The following IRAK2 variants were observed in gnomAD, a reference collection of about 807,000 sequenced individuals.
IRAK2 encodes interleukin 1 receptor associated kinase 2, also known as interleukin-1 receptor-associated kinase-like 2.
A neutral mutation model predicts 72.0 loss-of-function variants in IRAK2; 57 were observed. The observed-to-expected ratio is 0.79, with a 90% confidence interval of 0.64 to 0.99. The LOEUF is 0.99. Ranked by LOEUF, IRAK2 falls within the 50% of genes least tolerant of loss-of-function variation. The pLI is 0.00. For missense variants in IRAK2, 790 were observed against 794.4 expected (o/e 0.99, Z 0.07); for synonymous variants, 293 against 312.7 (o/e 0.94, Z 0.67).
At chr3:10,182,157 G>A (rs536801672) in intron 2 of IRAK2, among the ~76,000 whole-genome samples, 3 of 151,696 alleles carry the variant, frequency 2.0e-5, no homozygotes, top group African/African-American at 4.8e-5. Flanking sequence ...CAGTAGAGAC[G>A]GGGGTTTCAC....
intron 10 of IRAK2, among the ~76,000 whole-genome samples, chr3:10,227,082 A>G (rs1697791064): frequency 6.6e-6 from 1 of 152,214 alleles, no homozygotes; most frequent in Non-Finnish European, 1.5e-5. Flanking sequence ...GCCCTTTTAA[A>G]CAAGTTTCTA....
intron 2 of IRAK2, among the ~76,000 whole-genome samples, chr3:10,186,758 G>T (rs188095734): frequency 6.6e-5 from 10 of 150,498 alleles, no homozygotes; most frequent in African/African-American, 2.0e-4. Flanking sequence ...TTAGCTACAG[G>T]CTGGGTCTTT....
At chr3:10,187,099 G>A (rs1343922848) in intron 2 of IRAK2, among the ~76,000 whole-genome samples, 3 of 151,046 alleles carry the variant, frequency 2.0e-5, no homozygotes, top group Non-Finnish European at 4.4e-5. Flanking sequence ...AGTTTTGGAT[G>A]TTGGAGCATT....
chr3:10,200,310 T>C lies in IRAK2; in HGVS notation c.278-59T>C, dbSNP rs1482428140. The C allele has an allele frequency of 4.2e-6, 6 of 1,442,412 alleles. No individual in the cohort carries two copies. The African/African-American group carries it at 8.6e-5, about 21-fold the overall frequency. The allele number at this position is 1,442,412 out of a possible 1,614,324, so 89.4% of individuals were successfully genotyped here. On this transcript the variant is annotated intron_variant, in intron 2 of 12. Transcript: ENST00000256458. ...AGGTCTCTGACTTCCAGAACCAGTC[T>C]CTCAATGGCTACCCCACTTCATGGA... is the stretch of plus-strand genomic sequence containing the variant.
At chr3:10,171,032 G>A (rs1378573343) in intron 1 of IRAK2, among the ~76,000 whole-genome samples, 2 of 152,242 alleles carry the variant, frequency 1.3e-5, no homozygotes, top group African/African-American at 4.8e-5. Flanking sequence ...AGATCCCGCA[G>A]CCACAGACAG....
intron 4 of IRAK2, among the ~76,000 whole-genome samples, chr3:10,211,420 A>C (rs1394179733): frequency 1.7e-3 from 1 of 594 alleles, no homozygotes; most frequent in African/African-American, 7.5e-3. Flanking sequence ...TGAGATTACA[A>C]GCAGTGAATC....
intron 1 of IRAK2, among the ~76,000 whole-genome samples, chr3:10,168,108 T>G (rs994368809): frequency 6.6e-6 from 1 of 152,144 alleles, no homozygotes; most frequent in Admixed American, 6.5e-5. Context: ...TATGTTTAAC[T>G]ATTTGAGGAG....
chr3:10,178,486 G>T (rs1213403363), intron 2 of IRAK2, among the ~76,000 whole-genome samples: 1 of 151,390 alleles, frequency 6.6e-6, no homozygotes, highest in Non-Finnish European at 1.5e-5. Context: ...ACAAAAAAAA[G>T]AAACTGGTAA....
intron 3 of IRAK2, among the ~76,000 whole-genome samples, chr3:10,206,639 T>C (rs2125153366): frequency 6.6e-6 from 1 of 152,294 alleles, no homozygotes; most frequent in South Asian, 2.1e-4. Flanking sequence ...CACTGCAACC[T>C]CTGCCTCCCA....
chr3:10,225,999 A>G (rs1697770226), intron 9 of IRAK2, among the ~76,000 whole-genome samples: 1 of 152,194 alleles, frequency 6.6e-6, no homozygotes, highest in Non-Finnish European at 1.5e-5. Context: ...GTGCCCAGCC[A>G]GCTGAAGGAT....
chr3:10,188,746 A>G (rs1466707960), intron 2 of IRAK2, among the ~76,000 whole-genome samples: 2 of 152,174 alleles, frequency 1.3e-5, no homozygotes, highest in African/African-American at 4.8e-5. Context: ...GGCTGGTCTC[A>G]AACTCCCGAC....
At chr3:10,173,018 T>C (rs1038927399) in intron 1 of IRAK2, among the ~76,000 whole-genome samples, 1 of 151,968 alleles carries the variant, frequency 6.6e-6, no homozygotes, top group Non-Finnish European at 1.5e-5. Flanking sequence ...ATGTAGATAG[T>C]TTAACACTTA....
chr3:10,211,488 C>T (rs2923852), intron 4 of IRAK2, among the ~76,000 whole-genome samples: 14,974 of 152,058 alleles, frequency 0.098, 904 homozygotes, highest in East Asian at 0.28. Context: ...CGTGGTGGCA[C>T]ACACCTGTAG....
intron 2 of IRAK2, among the ~76,000 whole-genome samples, chr3:10,184,930 G>A (rs563508913): frequency 1.9e-4 from 29 of 150,326 alleles, no homozygotes; most frequent in East Asian, 1.6e-3. Context: ...GTAGAGACGG[G>A]GTTTCACCGT....
intron 8 of IRAK2, 129 bp downstream of exon 8, chr3:10,219,918 C>A: frequency 1.5e-6 from 1 of 656,112 alleles, no homozygotes; most frequent in Non-Finnish European, 2.8e-6. Context: ...ACCTCCTCTC[C>A]TCTGCCCTCC....
At chr3:10,165,969 C>A (rs1459605755) in intron 1 of IRAK2, among the ~76,000 whole-genome samples, 1 of 151,980 alleles carries the variant, frequency 6.6e-6, no homozygotes, top group Non-Finnish European at 1.5e-5. Context: ...ACCTTGTGAT[C>A]CGCCCACCCT....
intron 2 of IRAK2, among the ~76,000 whole-genome samples, chr3:10,192,921 G>T (rs567169821): frequency 6.6e-6 from 1 of 152,188 alleles, no homozygotes; most frequent in African/African-American, 2.4e-5. Flanking sequence ...TATAGCAAAT[G>T]ATGGTAGCTT....
intron 11 of IRAK2, among the ~76,000 whole-genome samples, chr3:10,237,995 G>C (rs1033723934): frequency 2.0e-5 from 3 of 146,872 alleles, no homozygotes; most frequent in African/African-American, 5.0e-5. Flanking sequence ...CCTTGCTTCC[G>C]TCTAATTTTC....
chr3:10,200,473 G>A lies in IRAK2; in HGVS notation c.382G>A (p.Glu128Lys), dbSNP rs769575555. 6.2e-7 allele frequency: 1 copy of A among 1,603,364 alleles called. No homozygotes were observed. The highest frequency in any genetic ancestry group is 2.2e-5 in the East Asian group (1 of 44,570). Residue 128 changes from glutamate (E) to lysine (K), a missense_variant, in exon 3 of 13, where the codon GAA becomes AAA. Physicochemically the swap from Glu to Lys is moderately conservative, Grantham distance 56 (BLOSUM62 1). Coordinates refer to ENST00000256458, the MANE Select transcript of IRAK2 (RefSeq NM_001570.4). Reference protein sequence around the residue: ...ASVRKAEDEQEEGQPVRMATF... With the variant: ...ASVRKAEDEQKEGQPVRMATF... ...TGTAAGAAAGGCTGAGGATGAACAG[G>A]AAGAGGGGCAGCCTGTGAGGATGGC...
Sources: allele counts gnomAD v4.1 joint callset (sites outside exome capture counted in the v4.1 genomes callset), GRCh38; gene constraint gnomAD v4.1.1; transcripts MANE v1.5; gene names NCBI Gene and HGNC (gene_info 2026-07-23, HGNC 2026-07-21).